Variants in UBAP2L observed in about 807,000 individuals in gnomAD.
The protein encoded by UBAP2L is ubiquitin-associated protein 2-like.
In UBAP2L, 12 loss-of-function variants were observed where a neutral mutation model predicts 130.6. That is an observed-to-expected ratio of 0.09 (90% CI 0.06 to 0.15). The LOEUF is 0.15. UBAP2L is among the 10% of genes least tolerant of loss of function. UBAP2L has a pLI of 1.00. For missense variants in UBAP2L, 965 were observed against 1,332.5 expected, an observed-to-expected ratio of 0.72 and a Z score of 4.29; for synonymous variants, 503 against 524.7, an observed-to-expected ratio of 0.96 and a Z score of 0.57.
chr1:154,238,729 T>A lies in UBAP2L; in HGVS notation c.703+1593T>A, dbSNP rs79258211. Among the ~76,000 whole-genome samples, 4 of 146,832 alleles carry A rather than the reference T, an allele frequency of 2.7e-5. No individual in the cohort carries two copies. The East Asian group carries it at 6.3e-4, about 23-fold the overall frequency. ...CTTCATGAATTCCCATTGTCATTAA[T>A]TTTTTTTTTCTTTTCTTTTTTTCTT... is the stretch of plus-strand genomic sequence containing the variant. On this transcript the variant is annotated intron_variant, in intron 8 of 26. Transcript: ENST00000428931.
intron 19 of UBAP2L, 30 bp from the exon 20 acceptor site, chr1:154,257,316 G>T: frequency 6.2e-7 from 1 of 1,614,206 alleles, no homozygotes; most frequent in Non-Finnish European, 8.5e-7. Flanking sequence ...GTAATTGTGT[G>T]ATGGGATAAA....
At chr1:154,239,128 T>TA (rs202238354) in intron 8 of UBAP2L, among the ~76,000 whole-genome samples, 45 of 149,948 alleles carry the variant, frequency 3.0e-4, no homozygotes, top group East Asian at 1.7e-3. Context: ...CCCTTTAAAT[T>TA]AAAAAAAAAA....
At chr1:154,267,314 C>T (rs1683560942) in intron 25 of UBAP2L, among the ~76,000 whole-genome samples, 1 of 151,782 alleles carries the variant, frequency 6.6e-6, no homozygotes, top group Non-Finnish European at 1.5e-5. Context: ...CACCACCGCG[C>T]CTGCTAATTT....
In UBAP2L at chr1:154,243,839, C is replaced by A. The variant is rs575794915; in HGVS notation, c.842+537C>A. On this transcript the variant is annotated intron_variant, in intron 10 of 26. Transcript: ENST00000428931. ...ATGTTACAATTTTAAAGTTGATTCT[C>A]CCTGCAAATAGCACTTTAATTACAA... Among the ~76,000 whole-genome samples the A allele has an allele frequency of 3.3e-5, 5 of 152,302 alleles. No individual in the cohort carries two copies. The South Asian group carries it at 1.0e-3, about 32-fold the overall frequency.
intron 4 of UBAP2L, among the ~76,000 whole-genome samples, chr1:154,232,733 C>T (rs1056152209): frequency 1.3e-5 from 2 of 152,124 alleles, no homozygotes; most frequent in Non-Finnish European, 1.5e-5. Flanking sequence ...GGGTCTTACT[C>T]TGTCACCTAG....
At chr1:154,256,925 G>T in intron 18 of UBAP2L, 138 bp from the exon 19 acceptor site, 1 of 908,748 alleles carries the variant, frequency 1.1e-6, no homozygotes, top group Non-Finnish European at 1.6e-6. Flanking sequence ...GGTGTACTTT[G>T]GTACCTTGCC....
At chr1:154,245,048 C>T (rs1674935382) in intron 10 of UBAP2L, among the ~76,000 whole-genome samples, 1 of 152,204 alleles carries the variant, frequency 6.6e-6, no homozygotes, top group African/African-American at 2.4e-5. Context: ...TCTCCTGCCT[C>T]AGCCTCCCGA....
chr1:154,245,661 A>G (rs1299339723), intron 10 of UBAP2L, among the ~76,000 whole-genome samples: 1 of 152,170 alleles, frequency 6.6e-6, no homozygotes, highest in Non-Finnish European at 1.5e-5. Flanking sequence ...AACGCCTGTA[A>G]TCCCAGCACT....
rs186115386 is a variant in UBAP2L at position 154,246,850 on chromosome 1, C to T, written c.1014+475C>T. Among the ~76,000 whole-genome samples the T allele has an allele frequency of 1.1e-4, 16 of 150,870 alleles. No individual in the cohort carries two copies. In the East Asian group the frequency reaches 2.9e-3, roughly 27 times the overall value. On this transcript the variant is annotated intron_variant, in intron 11 of 26. Coordinates refer to ENST00000428931, the MANE Select transcript of UBAP2L (RefSeq NM_014847.4). ...CATTTCTGCCACTTACTAGCTGTGTCTCCATTTCTATGTAAATAGGGATAA... is the reference window on the plus strand; with the variant it reads ...CATTTCTGCCACTTACTAGCTGTGTTTCCATTTCTATGTAAATAGGGATAA...
intron 1 of UBAP2L, 45 bp from the exon 2 acceptor site, chr1:154,225,037 CAT>C (rs1191055983): frequency 9.7e-6 from 13 of 1,336,046 alleles, no homozygotes; most frequent in Non-Finnish European, 1.4e-5. Context: ...GAGTTAAAAA[CAT>C]ATTTTGCCCA....
Position 154,251,133 on chromosome 1 carries a change from CAGG to C in UBAP2L, c.1309_1311del (p.Glu437del). On this transcript the variant is annotated inframe_deletion, in exon 13 of 27. Transcript: ENST00000428931. ...TTCAACCATGATGGAGGTGTTCCTT[CAGG>C]AGAAGTCACCTGCAGTGGCTACCTC... 2.5e-6 allele frequency: 4 copies of C among 1,614,172 alleles called. No individual in the cohort carries two copies. The South Asian group carries it at 3.3e-5, about 13-fold the overall frequency.
Position 154,257,119 on chromosome 1 carries a change from C to T in UBAP2L, c.2214C>T (p.Thr738=). Residue 738 remains threonine, a synonymous_variant, in exon 19 of 27, where the codon ACC becomes ACT. Coordinates refer to ENST00000428931, the MANE Select transcript of UBAP2L (RefSeq NM_014847.4). The part of the protein sequence containing the change: ...NLHSSSSTFS[T]TSSTVSAPPP... Reference sequence around the variant, plus strand: ...ATTCTTCCTCCAGCACTTTTTCCACCACATCCAGCACAGTCTCTGCACCTC... The same window carrying T: ...ATTCTTCCTCCAGCACTTTTTCCACTACATCCAGCACAGTCTCTGCACCTC... The T allele has an allele frequency of 6.2e-7, 1 of 1,614,114 alleles. No homozygotes were observed. Among genetic ancestry groups the T allele is most frequent in the Non-Finnish European group, 8.5e-7 (1 of 1,180,028 alleles).
chr1:154,234,810 T>C (rs2148627253), intron 5 of UBAP2L, 51 bp downstream of exon 5: 1 of 1,551,632 alleles, frequency 6.4e-7, no homozygotes, highest in Non-Finnish European at 8.7e-7. Context: ...ATGTCTAGAC[T>C]CTAGGGATGT....
At position 154,253,895 on chromosome 1, in the gene UBAP2L, C is replaced by G; in HGVS notation, c.1665-5C>G. ...CTCTGAGATTTTTCTCTTCGTTACTCACAGTGAATCATCCTCTACAATTTC... is the reference window on the plus strand; with the variant it reads ...CTCTGAGATTTTTCTCTTCGTTACTGACAGTGAATCATCCTCTACAATTTC... On this transcript the variant is annotated splice_polypyrimidine_tract_variant and splice_region_variant and intron_variant, in intron 14 of 26. Transcript: ENST00000428931. The G allele has an allele frequency of 6.2e-7, 1 of 1,613,598 alleles. No homozygotes were observed.
chr1:154,238,324 C>T (rs562839591), intron 8 of UBAP2L, among the ~76,000 whole-genome samples: 4 of 152,260 alleles, frequency 2.6e-5, no homozygotes, highest in South Asian at 2.1e-4. Context: ...TACTATACTT[C>T]GGAGGCATTA....
chr1:154,258,444 A>G (rs1432793893), intron 20 of UBAP2L, among the ~76,000 whole-genome samples: 1 of 152,192 alleles, frequency 6.6e-6, no homozygotes, highest in African/African-American at 2.4e-5. Context: ...AGTATTTGGT[A>G]CCTATTAAGA....
chr1:154,220,324 G>A, upstream of UBAP2L: 1 of 1,613,968 alleles, frequency 6.2e-7, no homozygotes, highest in South Asian at 1.1e-5. Context: ...CAGGAATGGG[G>A]TGGGGTAATC....
intron 24 of UBAP2L, chr1:154,263,439 A>G (rs1339616252): frequency 3.3e-6 from 4 of 1,211,672 alleles, no homozygotes; most frequent in Non-Finnish European, 4.1e-6. Context: ...TCTGGAAGGC[A>G]TGTAGTTTCA....
chr1:154,233,179 A>G (rs1226810136), intron 4 of UBAP2L, among the ~76,000 whole-genome samples: 1 of 151,060 alleles, frequency 6.6e-6, no homozygotes, highest in East Asian at 1.9e-4. Context: ...ACGCCCAGCT[A>G]ATTTTTTGTA....
Sources: allele counts gnomAD v4.1 joint callset (sites outside exome capture counted in the v4.1 genomes callset), GRCh38; gene constraint gnomAD v4.1.1; transcripts MANE v1.5; gene names NCBI Gene and HGNC (gene_info 2026-07-23, HGNC 2026-07-21).